The following IL1RAPL2 variants were observed in gnomAD, a reference collection of about 807,000 sequenced individuals.
IL1RAPL2 encodes X-linked interleukin-1 receptor accessory protein-like 2.
A neutral mutation model predicts 44.1 loss-of-function variants in IL1RAPL2; 3 were observed. That is an observed-to-expected ratio of 0.07 (90% CI 0.03 to 0.18). The LOEUF (loss-of-function observed/expected upper bound fraction) is 0.18. Among genes scored for constraint, IL1RAPL2 ranks in the 10% least tolerant of loss-of-function variants. The probability of loss-of-function intolerance (pLI) is 1.00; values close to 1 mark genes in which losing one functional copy is unlikely to be tolerated. For missense variants in IL1RAPL2, 391 were observed against 496.4 expected (o/e 0.79, Z 2.02); for synonymous variants, 181 against 178.8 (o/e 1.01, Z -0.10).
chrX:105,167,712 G>A (rs1424494799), intron 2 of IL1RAPL2, among the ~76,000 whole-genome samples: 8 of 103,221 alleles, frequency 7.8e-5, no homozygotes, highest in Non-Finnish European at 1.6e-4. Flanking sequence ...AGCTGGGGAA[G>A]TGTGTCTTCA....
intron 5 of IL1RAPL2, among the ~76,000 whole-genome samples, chrX:105,275,055 A>G (rs906654750): frequency 5.4e-5 from 6 of 111,096 alleles, no homozygotes; most frequent in Non-Finnish European, 9.4e-5. Flanking sequence ...TACTAAAAAT[A>G]CAAAAATTAG....
At chrX:104,658,522 A>G (rs988113193) in intron 1 of IL1RAPL2, among the ~76,000 whole-genome samples, 3 of 112,536 alleles carry the variant, frequency 2.7e-5, no homozygotes, top group Non-Finnish European at 5.6e-5. Flanking sequence ...ATAAATGACA[A>G]GTTAATGGAT....
chrX:105,245,595 A>G (rs2034212262), intron 4 of IL1RAPL2, among the ~76,000 whole-genome samples: 1 of 112,702 alleles, frequency 8.9e-6, no homozygotes, highest in South Asian at 3.6e-4. Context: ...ATATTCAATA[A>G]TGTTAGTGTT....
At chrX:105,742,792 A>G (rs1173356611) in intron 8 of IL1RAPL2, among the ~76,000 whole-genome samples, 1 of 110,976 alleles carries the variant, frequency 9.0e-6, no homozygotes, top group African/African-American at 3.3e-5. Context: ...TCAATTGCCT[A>G]CTAAACAACT....
At chrX:105,299,018 G>A (rs183827509) in intron 5 of IL1RAPL2, among the ~76,000 whole-genome samples, 4 of 108,044 alleles carry the variant, frequency 3.7e-5, no homozygotes, top group Non-Finnish European at 5.7e-5. Flanking sequence ...GAGGAAAAGG[G>A]GACAATGAAT....
At position 105,042,910 on chromosome X, in the gene IL1RAPL2, G is replaced by A. The variant is rs768972094; in HGVS notation, c.83-152565G>A. Among the ~76,000 whole-genome samples the A allele has an allele frequency of 8.4e-5, 9 of 107,696 alleles. No homozygotes were observed. The South Asian group carries it at 3.8e-3, about 46-fold the overall frequency. 93.5% of individuals were successfully genotyped at this position (107,696 alleles called of 115,157 possible). ...ATACTATGCAGCCATAAAAAAGGAT[G>A]AGTTCATGTCCTTTGTAGGGACATG... is the stretch of plus-strand genomic sequence containing the variant. On this transcript the variant is annotated intron_variant, in intron 2 of 10. Transcript: ENST00000372582.
At chrX:104,647,734 G>C in intron 1 of IL1RAPL2, 1 of 544,006 alleles carries the variant, frequency 1.8e-6, no homozygotes, top group South Asian at 2.4e-5. Context: ...GCAGTGTGAT[G>C]TTGACATTCT....
At chrX:105,030,631 CT>C (rs1277062406) in intron 2 of IL1RAPL2, among the ~76,000 whole-genome samples, 1 of 111,811 alleles carries the variant, frequency 8.9e-6, no homozygotes, top group East Asian at 2.8e-4. Flanking sequence ...CAGTACCATG[CT>C]TTTTTGGTTA....
chrX:104,648,772 G>A (rs1245307733), intron 1 of IL1RAPL2, among the ~76,000 whole-genome samples: 3 of 111,538 alleles, frequency 2.7e-5, no homozygotes, highest in Non-Finnish European at 5.7e-5. Context: ...TTAATGATCA[G>A]AACTCAATAC....
chrX:105,467,497 C>T (rs907095355), intron 5 of IL1RAPL2, among the ~76,000 whole-genome samples: 1 of 111,697 alleles, frequency 9.0e-6, no homozygotes, highest in Non-Finnish European at 1.9e-5. Context: ...TTAGATTCTA[C>T]TACATATAAC....
chrX:105,424,416 G>A (rs754590324), intron 5 of IL1RAPL2, among the ~76,000 whole-genome samples: 33 of 110,650 alleles, frequency 3.0e-4, no homozygotes, highest in Non-Finnish European at 4.5e-4. Context: ...CATTTATCTC[G>A]GTGAGCAGAG....
intron 2 of IL1RAPL2, among the ~76,000 whole-genome samples, chrX:104,880,955 ATAACGACCTCATTTTGCGGAGTGGTTATT>A (rs1923052306): frequency 8.9e-6 from 1 of 111,772 alleles, no homozygotes; most frequent in African/African-American, 3.2e-5. Context: ...AAATGTTTCA[ATAACGACCTCATTTTGCGGAGTGGTTATT>A]AATGTGGTAG....
At chrX:105,460,057 A>G (rs978727364) in intron 5 of IL1RAPL2, among the ~76,000 whole-genome samples, 1 of 111,275 alleles carries the variant, frequency 9.0e-6, no homozygotes, top group East Asian at 2.8e-4. Flanking sequence ...ACAGCCAGTC[A>G]TACTTGCTCA....
intron 3 of IL1RAPL2, chrX:105,219,259 G>A: frequency 8.3e-7 from 1 of 1,211,104 alleles, no homozygotes; most frequent in South Asian, 1.8e-5. Flanking sequence ...GGGTATGTCT[G>A]AGAAGGAGGA....
intron 5 of IL1RAPL2, among the ~76,000 whole-genome samples, chrX:105,304,864 A>AATC (rs1387012935): frequency 1.4e-4 from 16 of 111,764 alleles, no homozygotes; most frequent in African/African-American, 4.6e-4. Context: ...GAGACTGAGT[A>AATC]ATCTATAAAG....
In IL1RAPL2 at chrX:105,619,679, A is replaced by G. The variant is rs1167854686; in HGVS notation, c.773-97688A>G. On this transcript the variant is annotated intron_variant, in intron 6 of 10. Coordinates refer to ENST00000372582, the MANE Select transcript of IL1RAPL2 (RefSeq NM_017416.2). ...CCAGTAGTTGTCCAGGAGAGAGATGATGGACACTTGGCCTAGAATAGTGCC... is the reference window on the plus strand; with the variant it reads ...CCAGTAGTTGTCCAGGAGAGAGATGGTGGACACTTGGCCTAGAATAGTGCC... Among the ~76,000 whole-genome samples, 15 of 111,304 alleles carry G rather than the reference A, an allele frequency of 1.3e-4. No individual in the cohort carries two copies. In the East Asian group the frequency reaches 4.3e-3, roughly 32 times the overall value.
chrX:104,653,960 G>A (rs1441408346), intron 1 of IL1RAPL2, among the ~76,000 whole-genome samples: 4 of 110,119 alleles, frequency 3.6e-5, no homozygotes, highest in South Asian at 3.9e-4. Flanking sequence ...CTTATATTCC[G>A]ATTATTTTAA....
At chrX:105,551,336 C>G (rs1821612919) in intron 6 of IL1RAPL2, among the ~76,000 whole-genome samples, 1 of 109,330 alleles carries the variant, frequency 9.1e-6, no homozygotes, top group African/African-American at 3.3e-5. Flanking sequence ...AGTACCCAGT[C>G]TTCACATACG....
chrX:104,674,716 C>A (rs1930705486), intron 2 of IL1RAPL2, among the ~76,000 whole-genome samples: 1 of 109,719 alleles, frequency 9.1e-6, no homozygotes, highest in African/African-American at 3.3e-5. Flanking sequence ...GGCTGTGAAT[C>A]CATCTGGTCC....
Sources: allele counts gnomAD v4.1 joint callset (sites outside exome capture counted in the v4.1 genomes callset), GRCh38; gene constraint gnomAD v4.1.1; transcripts MANE v1.5; gene names NCBI Gene and HGNC (gene_info 2026-07-23, HGNC 2026-07-21).